Variants in ANK3 observed in about 807,000 individuals in gnomAD.
The protein encoded by ANK3 is ankyrin 3.
A neutral mutation model predicts 370.9 loss-of-function variants in ANK3; 57 were observed. That is an observed-to-expected ratio of 0.15 (90% confidence interval 0.12 to 0.19). ANK3 has a LOEUF of 0.19. Among genes scored for constraint, ANK3 ranks in the 10% least tolerant of loss-of-function variants. The pLI, the probability that ANK3 is intolerant of heterozygous loss-of-function variation, is 1.00. For missense variants in ANK3, 4,439 were observed against 5,302.1 expected (o/e 0.84, Z 5.06); for synonymous variants, 1,929 against 1,946.3 (o/e 0.99, Z 0.23).
Position 60,231,702 on chromosome 10 carries a change from A to G in ANK3, c.897+2986T>C, listed in dbSNP as rs577320603. Among the ~76,000 whole-genome samples the G allele has an allele frequency of 2.0e-5, 3 of 152,176 alleles. No individual in the cohort carries two copies. The South Asian group carries it at 6.2e-4, about 32-fold the overall frequency. ...GACATTTTGATGAAGAGAACACAAA[A>G]CAGTTTACATATTTCAGGTATATAC... On this transcript the variant is annotated intron_variant, in intron 8 of 43. Transcript: ENST00000280772.
chr10:60,569,172 G>A lies in ANK3; in HGVS notation c.96+46014C>T, dbSNP rs147972592. ...TAAGCACTTCTGCAGTATAATATCAGAGGGGGCAATATGTTATCCTGTGTC... is the reference window on the plus strand; with the variant it reads ...TAAGCACTTCTGCAGTATAATATCAAAGGGGGCAATATGTTATCCTGTGTC... On this transcript the variant is annotated intron_variant, in intron 2 of 43. Transcript: ENST00000373827. 4.0e-3 allele frequency among the ~76,000 whole-genome samples: 613 copies of A among 152,240 alleles called. 5 individuals are homozygous for A. Among genetic ancestry groups the A allele is most frequent in the Middle Eastern group, 0.027 (8 of 294 alleles).
At chr10:60,119,217 C>T (rs1013095381) in intron 25 of ANK3, among the ~76,000 whole-genome samples, 7 of 152,254 alleles carry the variant, frequency 4.6e-5, no homozygotes, top group South Asian at 2.1e-4. Flanking sequence ...CTTCCTATGG[C>T]GCATCCATCT....
Position 60,070,623 on chromosome 10 carries a change from G to A in ANK3, c.10258C>T (p.Leu3420=), listed in dbSNP as rs146174990. The change falls in exon 37 of 44, where the codon CTG becomes TTG. Residue 3420 remains leucine (L), a synonymous_variant. Coordinates refer to ENST00000280772, the MANE Select transcript of ANK3 (RefSeq NM_020987.5). This position sits in a 1 kb window ranked among gnomAD's most constrained non-coding sequence, Gnocchi z 5.7. ...TEIDSLDGYD[L]QDEDDGLTES... is the part of the protein sequence containing the mutation. The stretch of plus-strand genomic sequence containing the variant: ...GTCAAGCCATCATCTTCATCTTGCA[G>A]GTCATAGCCATCCAGAGAGTCGATC... The A allele has an allele frequency of 1.1e-3, 1,724 of 1,614,124 alleles. 8 individuals are homozygous for A. The African/African-American group carries it at 0.019, about 17-fold the overall frequency.
At chr10:60,235,564 T>TGG (rs1565883059) in intron 7 of ANK3, among the ~76,000 whole-genome samples, 2 of 144,124 alleles carry the variant, frequency 1.4e-5, no homozygotes, top group Non-Finnish European at 3.0e-5. Context: ...TTTTTTTTTT[T>TGG]TTTTTTTTTT....
chr10:60,101,147 G>T (rs1004462432), intron 28 of ANK3, among the ~76,000 whole-genome samples: 4 of 152,158 alleles, frequency 2.6e-5, no homozygotes, highest in African/African-American at 7.2e-5. Context: ...TATGTATTTG[G>T]AGGAGGGTAC....
intron 1 of ANK3, among the ~76,000 whole-genome samples, chr10:60,375,137 T>C (rs537406211): frequency 6.6e-5 from 10 of 152,326 alleles, no homozygotes; most frequent in African/African-American, 2.4e-4. Context: ...GTTTCTACAA[T>C]GGACATCTAT....
chr10:60,037,466 T>A (rs991452812), intron 43 of ANK3, among the ~76,000 whole-genome samples: 11 of 152,176 alleles, frequency 7.2e-5, no homozygotes, highest in Non-Finnish European at 1.2e-4. Context: ...CTCAAGTAGA[T>A]CCCAGTGTCT....
chr10:60,071,444 C>T lies in ANK3; in HGVS notation c.9437G>A (p.Gly3146Asp), dbSNP rs755115488. ...CTCTAGAGTATCATCTTCTGGACTA[C>T]CTTGGGGAGAAGGAGGTTGCTTTTG... Reference protein sequence around the residue: ...RQQKQPPSPQGSPEDDTLEQV... With the variant: ...RQQKQPPSPQDSPEDDTLEQV... The change falls in exon 37 of 44, where the codon GGT becomes GAT. Residue 3146 changes from glycine (G) to aspartate (D), a missense_variant. By Grantham distance (94) the Gly-to-Asp change is moderately conservative (BLOSUM62 -1). Transcript: ENST00000280772. 1.2e-6 allele frequency: 2 copies of T among 1,613,984 alleles called. No individual in the cohort carries two copies. The highest frequency in any genetic ancestry group is 1.7e-6 in the Non-Finnish European group (2 of 1,179,978).
At chr10:60,192,289 A>C (rs188862153) in intron 16 of ANK3, among the ~76,000 whole-genome samples, 258 of 151,906 alleles carry the variant, frequency 1.7e-3, no homozygotes, top group African/African-American at 5.9e-3. Flanking sequence ...CATGGTATGC[A>C]CATATTGCAT....
At chr10:60,103,169 C>T (rs2091594344) in intron 28 of ANK3, among the ~76,000 whole-genome samples, 3 of 152,082 alleles carry the variant, frequency 2.0e-5, no homozygotes. Context: ...CCAGGATGGT[C>T]TCCATCTCTT....
chr10:60,432,501 A>G (rs1306889685), intron 2 of ANK3, among the ~76,000 whole-genome samples: 1 of 152,232 alleles, frequency 6.6e-6, no homozygotes, highest in East Asian at 1.9e-4. Flanking sequence ...TAACACATAT[A>G]AAGGTAAACA....
chr10:60,551,290 G>A (rs373881142), intron 2 of ANK3, among the ~76,000 whole-genome samples: 6 of 152,132 alleles, frequency 3.9e-5, no homozygotes, highest in African/African-American at 1.4e-4. Context: ...GAATCAGATT[G>A]AAAATAGTAG....
chr10:60,589,359 T>C (rs2133290425), intron 2 of ANK3, among the ~76,000 whole-genome samples: 1 of 152,340 alleles, frequency 6.6e-6, no homozygotes, highest in East Asian at 1.9e-4. Flanking sequence ...AATATCAATC[T>C]CATAGAAGCT....
intron 1 of ANK3, among the ~76,000 whole-genome samples, chr10:60,624,560 T>A (rs998604707): frequency 1.6e-4 from 25 of 152,098 alleles, no homozygotes; most frequent in African/African-American, 5.6e-4. Flanking sequence ...GCTTTCAGAG[T>A]GCTAGGAATC....
intron 2 of ANK3, among the ~76,000 whole-genome samples, chr10:60,592,290 G>C (rs2077927430): frequency 6.6e-6 from 1 of 152,044 alleles, no homozygotes; most frequent in Non-Finnish European, 1.5e-5. Flanking sequence ...TCAGTTTCTT[G>C]TTTGCAACCA....
At chr10:60,207,973 A>G in intron 10 of ANK3, 63 bp downstream of exon 10, 4 of 1,415,480 alleles carry the variant, frequency 2.8e-6, no homozygotes, top group Non-Finnish European at 4.0e-6. Flanking sequence ...TTCCCTTCAC[A>G]TACAGAGGCA....
At chr10:60,129,078 T>C (rs1448504646) in intron 25 of ANK3, among the ~76,000 whole-genome samples, 1 of 152,230 alleles carries the variant, frequency 6.6e-6, no homozygotes. Context: ...ATGGAATGTT[T>C]CCAAGCACAG....
intron 2 of ANK3, among the ~76,000 whole-genome samples, chr10:60,599,393 G>A (rs1414171866): frequency 2.0e-5 from 3 of 152,054 alleles, no homozygotes; most frequent in Non-Finnish European, 4.4e-5. Flanking sequence ...TCGATACCGC[G>A]CTTCTTTTAA....
At chr10:60,528,137 CTTTT>C (rs10677013) in intron 2 of ANK3, among the ~76,000 whole-genome samples, 1 of 111,052 alleles carries the variant, frequency 9.0e-6, no homozygotes, top group African/African-American at 3.1e-5. Context: ...TCTTCTTCTT[CTTTT>C]TTTTTTTTTT....
Sources: allele counts gnomAD v4.1 joint callset (sites outside exome capture counted in the v4.1 genomes callset), GRCh38; gene constraint gnomAD v4.1.1; non-coding constraint Gnocchi (gnomAD v3.1); transcripts MANE v1.5; gene names NCBI Gene and HGNC (gene_info 2026-07-23, HGNC 2026-07-21).